ACTR3C: variants seen among roughly 807,000 people sequenced by gnomAD.
The protein encoded by ACTR3C is actin related protein 3C.
Under a neutral mutation model 26.3 loss-of-function variants are expected in ACTR3C, and 18 were observed. The observed-to-expected ratio is 0.68, with a 90% CI of 0.47 to 1.01. The LOEUF is 1.01. Among genes scored for constraint, ACTR3C ranks in the 50% least tolerant of loss-of-function variants. The pLI is 0.00. For missense variants in ACTR3C, 184 were observed against 250.7 expected (o/e 0.73, Z 1.80); for synonymous variants, 55 against 94.5 (o/e 0.58, Z 2.42).
At chr7:150,291,037 G>T (rs1048253829) in intron 3 of ACTR3C, among the ~76,000 whole-genome samples, 10 of 152,100 alleles carry the variant, frequency 6.6e-5, no homozygotes, top group Non-Finnish European at 1.3e-4. Context: ...ATAACCTTAG[G>T]ATTGTATTAT....
chr7:150,084,167 C>G, the ACTR3C span, among the ~76,000 whole-genome samples: 3 of 152,156 alleles, frequency 2.0e-5, no homozygotes, highest in Non-Finnish European at 4.4e-5. Flanking sequence ...CCACCATGCC[C>G]AGATCCTCAA....
chr7:149,903,337 A>G, the ACTR3C span, among the ~76,000 whole-genome samples: 4 of 152,240 alleles, frequency 2.6e-5, no homozygotes, highest in East Asian at 7.7e-4. Flanking sequence ...TGCATAGAAA[A>G]CTTTAAAGAA....
At chr7:150,142,660 C>G in the ACTR3C span, among the ~76,000 whole-genome samples, 1 of 151,298 alleles carries the variant, frequency 6.6e-6, no homozygotes, top group Non-Finnish European at 1.5e-5. Context: ...TCCTGAGTAG[C>G]TGGGATTACA....
At chr7:150,285,161 A>T (rs1323236544) in intron 5 of ACTR3C, among the ~76,000 whole-genome samples, 1 of 152,190 alleles carries the variant, frequency 6.6e-6, no homozygotes, top group Non-Finnish European at 1.5e-5. Flanking sequence ...TATGTGCACG[A>T]TCTACGTGAC....
chr7:150,128,839 A>T, the ACTR3C span, among the ~76,000 whole-genome samples: 87 of 151,272 alleles, frequency 5.8e-4, no homozygotes, highest in Middle Eastern at 3.4e-3. Flanking sequence ...AAGAGAGTCA[A>T]CTGTAAGAGA....
chr7:150,228,348 G>T, the ACTR3C span, among the ~76,000 whole-genome samples: 1 of 152,252 alleles, frequency 6.6e-6, no homozygotes, highest in Admixed American at 6.5e-5. Flanking sequence ...CCATATTGTG[G>T]TAGGGTTAAT....
At chr7:149,998,029 T>C in the ACTR3C span, among the ~76,000 whole-genome samples, 3 of 151,406 alleles carry the variant, frequency 2.0e-5, no homozygotes, top group African/African-American at 7.2e-5. Context: ...ATAGCGATCA[T>C]GGAGGCTCCC....
the ACTR3C span, among the ~76,000 whole-genome samples, chr7:150,101,626 A>C: frequency 6.6e-6 from 1 of 151,772 alleles, no homozygotes; most frequent in Non-Finnish European, 1.5e-5. Context: ...CAGGGGCATG[A>C]TGGAGCTTAG....
chr7:149,970,627 C>T, the ACTR3C span, among the ~76,000 whole-genome samples: 4 of 152,176 alleles, frequency 2.6e-5, no homozygotes, highest in African/African-American at 9.7e-5. Flanking sequence ...AGGTCGATTT[C>T]CCCTTATGTC....
At chr7:150,144,516 T>A in the ACTR3C span, among the ~76,000 whole-genome samples, 14 of 150,598 alleles carry the variant, frequency 9.3e-5, no homozygotes, top group Non-Finnish European at 1.9e-4. The surrounding 1 kb of genome is among the most constrained non-coding windows in gnomAD (Gnocchi z 4.6). Context: ...TTGAATAATA[T>A]TATTTTTTGT....
chr7:149,963,555 C>T, the ACTR3C span, among the ~76,000 whole-genome samples: 1 of 152,216 alleles, frequency 6.6e-6, no homozygotes, highest in South Asian at 2.1e-4. Flanking sequence ...GTCTTCACAT[C>T]TCCTAACAAA....
chr7:150,261,080 T>C (rs1361897780), intron 6 of ACTR3C, among the ~76,000 whole-genome samples: 1 of 152,256 alleles, frequency 6.6e-6, no homozygotes, highest in Non-Finnish European at 1.5e-5. Context: ...TGTGATTCTG[T>C]ATTTAATGTG....
chr7:149,935,494 T>C, the ACTR3C span, among the ~76,000 whole-genome samples: 3 of 149,406 alleles, frequency 2.0e-5, no homozygotes. Flanking sequence ...CTCTGCCTCC[T>C]GGGTTCAAGC....
the ACTR3C span, among the ~76,000 whole-genome samples, chr7:150,202,170 G>A: frequency 2.0e-5 from 3 of 152,140 alleles, no homozygotes; most frequent in East Asian, 3.9e-4. Flanking sequence ...CCACAACCCC[G>A]TAGAATGGTA....
chr7:150,313,709 T>C (rs1796535057), intron 1 of ACTR3C, among the ~76,000 whole-genome samples: 1 of 152,008 alleles, frequency 6.6e-6, no homozygotes. Flanking sequence ...TGGAGGGCCT[T>C]AGAATTTTAT....
the ACTR3C span, among the ~76,000 whole-genome samples, chr7:150,080,477 C>T: frequency 2.0e-5 from 3 of 151,552 alleles, no homozygotes; most frequent in African/African-American, 4.9e-5. Context: ...CCCAAAACTA[C>T]ATCTTGACAT....
At chr7:150,140,016 GCA>G in the ACTR3C span, among the ~76,000 whole-genome samples, 1 of 150,186 alleles carries the variant, frequency 6.7e-6, no homozygotes, top group East Asian at 1.9e-4. Flanking sequence ...ACACACACAT[GCA>G]CACACACGTA....
chr7:150,172,349 C>T, the ACTR3C span, among the ~76,000 whole-genome samples: 4 of 150,356 alleles, frequency 2.7e-5, no homozygotes, highest in East Asian at 1.9e-4. Context: ...TACGTGATGG[C>T]GGCGAGAGAA....
the ACTR3C span, among the ~76,000 whole-genome samples, chr7:150,035,864 C>G: frequency 2.5e-4 from 33 of 129,556 alleles, 4 homozygotes; most frequent in South Asian, 7.2e-3. Context: ...GATGGGGGTA[C>G]CAACAGCCAG....
Sources: allele counts gnomAD v4.1 joint callset (sites outside exome capture counted in the v4.1 genomes callset), GRCh38; gene constraint gnomAD v4.1.1; non-coding constraint Gnocchi (gnomAD v3.1); transcripts MANE v1.5; gene names NCBI Gene and HGNC (gene_info 2026-07-23, HGNC 2026-07-21).